Variants in PXDNL observed in about 807,000 individuals in gnomAD.
PXDNL encodes the protein peroxidasin like.
In PXDNL, 145 loss-of-function variants were observed where a neutral mutation model predicts 150.8. The observed-to-expected ratio is 0.96, with a 90% confidence interval of 0.84 to 1.10. PXDNL has a LOEUF of 1.10. Ranked by LOEUF, PXDNL falls within the 50% of genes least tolerant of loss-of-function variation. The pLI is 0.00. For missense variants in PXDNL, 2,087 were observed against 1,873.9 expected (o/e 1.11, Z -2.10); for synonymous variants, 757 against 725.7 (o/e 1.04, Z -0.69).
intron 17 of PXDNL, among the ~76,000 whole-genome samples, chr8:51,376,751 C>G (rs1413468892): frequency 6.6e-6 from 1 of 151,086 alleles, no homozygotes; most frequent in African/African-American, 2.4e-5. Context: ...CGGAGTCTTA[C>G]TCTGTCCCCC....
At chr8:51,386,089 G>C (rs1024308813) in intron 17 of PXDNL, among the ~76,000 whole-genome samples, 5 of 150,342 alleles carry the variant, frequency 3.3e-5, no homozygotes, top group African/African-American at 1.2e-4. Context: ...AATGTTGGGT[G>C]ATTCATTCTT....
At chr8:51,447,260 G>A (rs1809697867) in intron 11 of PXDNL, 98 bp from the exon 12 acceptor site, 1 of 1,279,970 alleles carries the variant, frequency 7.8e-7, no homozygotes, top group South Asian at 1.4e-5. Flanking sequence ...TGTCTTTCAG[G>A]AAATTCTCGG....
At chr8:51,410,640 T>C (rs962669080) in intron 16 of PXDNL, among the ~76,000 whole-genome samples, 3 of 152,168 alleles carry the variant, frequency 2.0e-5, no homozygotes, top group Admixed American at 6.5e-5. Context: ...ACAGCACAAA[T>C]AGTATATAGC....
chr8:51,354,947 T>C (rs868184245), intron 19 of PXDNL, among the ~76,000 whole-genome samples: 1 of 67,212 alleles, frequency 1.5e-5, no homozygotes, highest in Middle Eastern at 6.2e-3. Flanking sequence ...ATTTCAGGGC[T>C]ATTATTTGCC....
At chr8:51,607,425 G>A (rs976259903) in intron 2 of PXDNL, among the ~76,000 whole-genome samples, 1 of 152,148 alleles carries the variant, frequency 6.6e-6, no homozygotes, top group Admixed American at 6.5e-5. Flanking sequence ...TCTTGGGCTG[G>A]TTGTGGTCAT....
At chr8:51,571,791 C>T (rs915727850) in intron 3 of PXDNL, among the ~76,000 whole-genome samples, 1 of 151,712 alleles carries the variant, frequency 6.6e-6, no homozygotes, top group Admixed American at 6.6e-5. Context: ...TACATGAAAT[C>T]ATAAAACTAA....
chr8:51,400,442 T>A (rs942980019), intron 17 of PXDNL, among the ~76,000 whole-genome samples: 1 of 152,240 alleles, frequency 6.6e-6, no homozygotes, highest in Non-Finnish European at 1.5e-5. Context: ...AACCTGTTTA[T>A]AACTTCTAAA....
intron 6 of PXDNL, among the ~76,000 whole-genome samples, chr8:51,480,309 A>G (rs1009273845): frequency 1.3e-5 from 2 of 152,214 alleles, no homozygotes; most frequent in Non-Finnish European, 2.9e-5. Context: ...TAGACTGTAC[A>G]GGAAGCATAG....
At chr8:51,433,269 A>G (rs977007414) in intron 12 of PXDNL, among the ~76,000 whole-genome samples, 5 of 150,510 alleles carry the variant, frequency 3.3e-5, no homozygotes, top group African/African-American at 1.2e-4. Context: ...CTAACATTTC[A>G]TCTTTAAAAA....
At chr8:51,639,109 C>T (rs1814678559) in intron 2 of PXDNL, among the ~76,000 whole-genome samples, 1 of 152,078 alleles carries the variant, frequency 6.6e-6, no homozygotes, top group Non-Finnish European at 1.5e-5. Context: ...CTACTGGGTA[C>T]ATAACGAAAT....
chr8:51,694,098 G>A (rs960214337), intron 1 of PXDNL, among the ~76,000 whole-genome samples: 1 of 152,084 alleles, frequency 6.6e-6, no homozygotes, highest in Non-Finnish European at 1.5e-5. Flanking sequence ...AGTATCCTGC[G>A]GAAAAATGCT....
chr8:51,741,516 C>T (rs4377956), intron 1 of PXDNL, among the ~76,000 whole-genome samples: 145,936 of 152,216 alleles, frequency 0.96, 70,264 homozygotes, highest in East Asian at 1. Flanking sequence ...ATCTAAACAG[C>T]TAAAAAAGAC....
intron 17 of PXDNL, among the ~76,000 whole-genome samples, chr8:51,392,327 AGC>A (rs1807936461): frequency 6.6e-6 from 1 of 151,790 alleles, no homozygotes; most frequent in Admixed American, 6.6e-5. Flanking sequence ...AATTACCTTG[AGC>A]AGTATGGCCA....
chr8:51,371,568 C>A (rs780808633), intron 19 of PXDNL, among the ~76,000 whole-genome samples: 2 of 152,158 alleles, frequency 1.3e-5, no homozygotes, highest in Non-Finnish European at 2.9e-5. Context: ...TAGTCAGTAC[C>A]AAGTGATTGG....
At chr8:51,601,768 T>G (rs1205135852) in intron 2 of PXDNL, among the ~76,000 whole-genome samples, 1 of 151,728 alleles carries the variant, frequency 6.6e-6, no homozygotes, top group Admixed American at 6.6e-5. Context: ...AGTTGTTAGC[T>G]ATTTGCTTTG....
rs181729512 is a variant in PXDNL at position 51,418,414 on chromosome 8, A to G, written c.1796-5156T>C. Reference sequence around the variant, plus strand: ...CCAATTTCACTTCATTAATGTTTGAATAAATATAACTAATGAAAATATTTT... The same window carrying G: ...CCAATTTCACTTCATTAATGTTTGAGTAAATATAACTAATGAAAATATTTT... On this transcript the variant is annotated intron_variant, in intron 14 of 22. Transcript: ENST00000356297. 1.7e-3 allele frequency among the ~76,000 whole-genome samples: 260 copies of G among 152,350 alleles called. 1 individual carries two copies. Among genetic ancestry groups the G allele is most frequent in the African/African-American group, 5.7e-3 (236 of 41,588 alleles).
chr8:51,419,735 T>C (rs905172627), intron 14 of PXDNL, among the ~76,000 whole-genome samples: 2 of 152,202 alleles, frequency 1.3e-5, no homozygotes, highest in South Asian at 2.1e-4. Flanking sequence ...TTATTAAATA[T>C]TTTTTAAAAA....
intron 17 of PXDNL, among the ~76,000 whole-genome samples, chr8:51,375,987 A>T (rs1327262748): frequency 6.6e-6 from 1 of 152,234 alleles, no homozygotes; most frequent in Non-Finnish European, 1.5e-5. Context: ...TGGTTTGCAG[A>T]TCCCTGCTCT....
At chr8:51,624,976 T>C (rs999843951) in intron 2 of PXDNL, among the ~76,000 whole-genome samples, 1 of 152,148 alleles carries the variant, frequency 6.6e-6, no homozygotes, top group Admixed American at 6.5e-5. Flanking sequence ...GAGTTTTAAA[T>C]AATTTAAAAT....
Sources: gnomAD v4.1 joint callset for allele counts (sites outside exome capture counted in the v4.1 genomes callset) on GRCh38, gnomAD v4.1.1 for gene constraint, MANE v1.5 for transcripts, NCBI Gene and HGNC (gene_info 2026-07-23, HGNC 2026-07-21) for gene names.